Variants in PSIP1 observed in about 807,000 individuals in gnomAD.
PSIP1 encodes PC4 and SRSF1 interacting protein 1, also known as PC4 and SFRS1-interacting protein.
A neutral mutation model predicts 74.7 loss-of-function variants in PSIP1; 19 were observed. The observed-to-expected ratio is 0.25, with a 90% CI of 0.18 to 0.37. The LOEUF (loss-of-function observed/expected upper bound fraction) is 0.37. Among genes scored for constraint, PSIP1 ranks in the 10% least tolerant of loss-of-function variants. The probability of loss-of-function intolerance (pLI) is 1.00; values close to 1 mark genes in which losing one functional copy is unlikely to be tolerated. For synonymous variants in PSIP1, 222 were observed against 195.3 expected, an observed-to-expected ratio of 1.14 and a Z score of -1.14; for missense variants, 601 against 614.3, an observed-to-expected ratio of 0.98 and a Z score of 0.23.
intron 2 of PSIP1, among the ~76,000 whole-genome samples, chr9:15,509,484 G>A (rs905448487): frequency 6.6e-6 from 1 of 151,860 alleles, no homozygotes; most frequent in African/African-American, 2.4e-5. Flanking sequence ...TTTGCCTATT[G>A]GAAACAAAAA....
chr9:15,488,922 G>A (rs1335946208), intron 4 of PSIP1, among the ~76,000 whole-genome samples: 2 of 152,200 alleles, frequency 1.3e-5, no homozygotes, highest in Non-Finnish European at 2.9e-5. Flanking sequence ...TCGGAAGGCT[G>A]AGGCAGGAGA....
intron 2 of PSIP1, among the ~76,000 whole-genome samples, chr9:15,507,548 G>GA (rs1257279634): frequency 6.6e-6 from 1 of 151,840 alleles, no homozygotes; most frequent in Non-Finnish European, 1.5e-5. Flanking sequence ...CTCCAGAGGC[G>GA]AATCACTTGA....
chr9:15,465,546 G>A lies in PSIP1; in HGVS notation c.1567C>T (p.Leu523=). ...SSEERETEIS[L]KDSTLDN is the part of the protein sequence containing the mutation. ...TAGTTATCTAGTGTAGAATCCTTCA[G>A]AGATATTTCAGTCTCTCTCTCTTCA... The change falls in exon 16 of 16, where the codon CTG becomes TTG. Residue 523 remains leucine (L), a synonymous_variant. Transcript: ENST00000380733. 1 of 1,583,392 alleles carries A rather than the reference G, an allele frequency of 6.3e-7. No individual in the cohort carries two copies.
chr9:15,471,859 AAAAC>A (rs1224417653), intron 10 of PSIP1: 1 of 977,286 alleles, frequency 1.0e-6, no homozygotes, highest in East Asian at 1.1e-4. Flanking sequence ...TCACCTCACT[AAAAC>A]AACAACAAAA....
chr9:15,478,734 A>G (rs146673731), intron 7 of PSIP1, among the ~76,000 whole-genome samples, 182 bp from the exon 8 acceptor site: 83 of 152,302 alleles, frequency 5.4e-4, no homozygotes, highest in African/African-American at 1.9e-3. Flanking sequence ...AGCAACAACA[A>G]AAAATTTATA....
intron 3 of PSIP1, among the ~76,000 whole-genome samples, chr9:15,495,630 T>C (rs935252154): frequency 6.6e-6 from 1 of 152,230 alleles, no homozygotes; most frequent in Non-Finnish European, 1.5e-5. Context: ...TATTATGATA[T>C]GGAATGCGTC....
intron 3 of PSIP1, among the ~76,000 whole-genome samples, chr9:15,500,929 T>C (rs1291800687): frequency 6.6e-6 from 1 of 152,118 alleles, no homozygotes; most frequent in Non-Finnish European, 1.5e-5. Context: ...CTACTAGAAG[T>C]CTTGGAAAAA....
chr9:15,472,548 T>A, intron 10 of PSIP1, 84 bp downstream of exon 10: 1 of 1,504,262 alleles, frequency 6.6e-7, no homozygotes, highest in African/African-American at 1.4e-5. Context: ...CTTCATAAAG[T>A]CTGGAAAATG....
rs748249493 is a variant in PSIP1 at position 15,465,557 on chromosome 9, GTCTC to G, written c.1552_1555del (p.Glu518LeufsTer5). ...TGTAGAATCCTTCAGAGATATTTCAGTCTCTCTCTCTTCACTGGATGGCCTGAAG... is the reference window on the plus strand; with the variant it reads ...TGTAGAATCCTTCAGAGATATTTCAGTCTCTCTTCACTGGATGGCCTGAAG... On this transcript the variant is annotated frameshift_variant, in exon 16 of 16. Coordinates refer to ENST00000380733, the MANE Select transcript of PSIP1 (RefSeq NM_033222.5). LOFTEE classifies it high-confidence loss of function. 4.5e-5 allele frequency: 71 copies of G among 1,585,666 alleles called. No individual in the cohort carries two copies. The highest frequency in any genetic ancestry group is 6.0e-5 in the Non-Finnish European group (69 of 1,157,246).
At chr9:15,469,102 C>T (rs1171824722) in intron 12 of PSIP1, 44 bp from the exon 13 acceptor site, 2 of 1,538,822 alleles carry the variant, frequency 1.3e-6, no homozygotes, top group South Asian at 1.2e-5. Context: ...ATTATCTTAA[C>T]ACTTAAACAA....
At chr9:15,472,253 G>A (rs1587462220) in intron 10 of PSIP1, 2 of 995,008 alleles carry the variant, frequency 2.0e-6, no homozygotes, top group South Asian at 9.3e-5. Flanking sequence ...GCTTGGTGGT[G>A]TGATGAATAA....
chr9:15,499,337 G>A (rs1178288065), intron 3 of PSIP1, among the ~76,000 whole-genome samples: 3 of 152,278 alleles, frequency 2.0e-5, no homozygotes. Context: ...AAGAAAACAG[G>A]AAATCATTAA....
intron 3 of PSIP1, among the ~76,000 whole-genome samples, chr9:15,502,321 T>C (rs570409262): frequency 7.9e-5 from 12 of 152,244 alleles, no homozygotes; most frequent in African/African-American, 1.9e-4. Flanking sequence ...ACCATCTTTT[T>C]CCCCCAAATA....
At chr9:15,465,831 G>A in intron 15 of PSIP1, 1 of 395,902 alleles carries the variant, frequency 2.5e-6, no homozygotes, top group Non-Finnish European at 4.5e-6. Context: ...AAAGTGTCAT[G>A]GACCAAGCCC....
At chr9:15,507,719 T>A (rs1448546350) in intron 2 of PSIP1, among the ~76,000 whole-genome samples, 3 of 152,210 alleles carry the variant, frequency 2.0e-5, no homozygotes, top group Non-Finnish European at 4.4e-5. Context: ...CACTTCAATT[T>A]GAAAATCAGC....
At chr9:15,505,295 C>T (rs879755497) in intron 3 of PSIP1, 1 of 152,166 alleles carries the variant, frequency 6.6e-6, no homozygotes, top group Admixed American at 6.5e-5. Flanking sequence ...GACCTGACAA[C>T]ACACTTTGAA....
At chr9:15,480,601 T>A (rs747018399) in intron 6 of PSIP1, among the ~76,000 whole-genome samples, 11 of 152,220 alleles carry the variant, frequency 7.2e-5, no homozygotes, top group Non-Finnish European at 7.3e-5. Flanking sequence ...TAATTATGAA[T>A]GAGTATTGGC....
intron 3 of PSIP1, among the ~76,000 whole-genome samples, chr9:15,495,618 TTTA>T (rs2037037544): frequency 6.6e-6 from 1 of 152,204 alleles, no homozygotes; most frequent in African/African-American, 2.4e-5. Flanking sequence ...TCTAGTGATA[TTTA>T]TTATGATATG....
rs1200845307 is a variant in PSIP1 at position 15,468,966 on chromosome 9, T to C, written c.1197A>G (p.Thr399=). ...QAQKHTEMIT[T]LKKIRRFKVS... Reference sequence around the variant, plus strand: ...ACTTGAAATCACTTACTTTTTTCAGTGTAGTAATCATCTCTGTGTGTTTCT... The same window carrying C: ...ACTTGAAATCACTTACTTTTTTCAGCGTAGTAATCATCTCTGTGTGTTTCT... Residue 399 remains threonine, a synonymous_variant, in exon 13 of 16, where the codon ACA becomes ACG. Transcript: ENST00000380733. 1.2e-6 allele frequency: 2 copies of C among 1,613,668 alleles called. No homozygotes were observed. The highest frequency in any genetic ancestry group is 2.2e-5 in the East Asian group (1 of 44,848).
Sources: allele counts gnomAD v4.1 joint callset (sites outside exome capture counted in the v4.1 genomes callset), GRCh38; gene constraint gnomAD v4.1.1; transcripts MANE v1.5; gene names NCBI Gene and HGNC (gene_info 2026-07-23, HGNC 2026-07-21).